PTPRT: variants seen among roughly 807,000 people sequenced by gnomAD.
PTPRT encodes receptor-type tyrosine-protein phosphatase T.
In PTPRT, 56 loss-of-function variants were observed where a neutral mutation model predicts 176.8. The observed-to-expected ratio is 0.32, with a 90% CI of 0.26 to 0.40. The LOEUF (loss-of-function observed/expected upper bound fraction) is 0.40. Ranked by LOEUF, PTPRT falls within the 10% of genes least tolerant of loss-of-function variation. The pLI is 1.00. For missense variants in PTPRT, 1,540 were observed against 1,908.2 expected (o/e 0.81, Z 3.60); for synonymous variants, 783 against 739.0 (o/e 1.06, Z -0.96).
chr20:42,321,584 C>T (rs1009100413), intron 11 of PTPRT, among the ~76,000 whole-genome samples: 5 of 152,110 alleles, frequency 3.3e-5, no homozygotes, highest in Admixed American at 6.5e-5. Flanking sequence ...TATTCTGAGT[C>T]GTTGTACACC....
intron 10 of PTPRT, 90 bp from the exon 11 acceptor site, chr20:42,350,820 C>A (rs983160542): frequency 1.0e-6 from 1 of 970,952 alleles, no homozygotes; most frequent in East Asian, 2.4e-5. Flanking sequence ...AAAGACACAG[C>A]ATGGATAGAG....
At chr20:42,692,614 C>G (rs2075809344) in intron 6 of PTPRT, among the ~76,000 whole-genome samples, 1 of 152,140 alleles carries the variant, frequency 6.6e-6, no homozygotes, top group East Asian at 1.9e-4. Context: ...ACACACTTTT[C>G]CCTGATTTCC....
chr20:42,887,073 T>C (rs2079115216), intron 1 of PTPRT, among the ~76,000 whole-genome samples: 1 of 152,302 alleles, frequency 6.6e-6, no homozygotes, highest in African/African-American at 2.4e-5. Context: ...ACAGGGTGCA[T>C]CACATCACCA....
chr20:42,718,703 AG>A (rs2076262952), intron 6 of PTPRT, among the ~76,000 whole-genome samples: 1 of 152,316 alleles, frequency 6.6e-6, no homozygotes, highest in African/African-American at 2.4e-5. Flanking sequence ...ACCTTTGCAA[AG>A]GAGAATCAAT....
chr20:43,060,181 A>C (rs921292341), intron 1 of PTPRT, among the ~76,000 whole-genome samples: 9 of 151,988 alleles, frequency 5.9e-5, no homozygotes, highest in Admixed American at 1.3e-4. Flanking sequence ...ATCTTAGTCC[A>C]TTTGAGCTGC....
At chr20:42,182,791 C>T (rs1990574454) in intron 16 of PTPRT, among the ~76,000 whole-genome samples, 1 of 152,076 alleles carries the variant, frequency 6.6e-6, no homozygotes. Context: ...ATACACTCGG[C>T]TTAAAAATGG....
chr20:42,543,983 T>G (rs1236716493), intron 7 of PTPRT, among the ~76,000 whole-genome samples: 1 of 152,194 alleles, frequency 6.6e-6, no homozygotes, highest in African/African-American at 2.4e-5. Flanking sequence ...CAGGCTTTGT[T>G]GTTCCATTTA....
intron 8 of PTPRT, 100 bp downstream of exon 8, chr20:42,472,166 T>C: frequency 7.3e-7 from 1 of 1,360,646 alleles, no homozygotes. Context: ...GTGAGGGAAT[T>C]AAAAATGTAG....
At chr20:43,032,862 T>C (rs961524608) in intron 1 of PTPRT, among the ~76,000 whole-genome samples, 1 of 152,144 alleles carries the variant, frequency 6.6e-6, no homozygotes, top group East Asian at 1.9e-4. Flanking sequence ...GATGTCCAGC[T>C]CCCTTTCCAG....
In PTPRT at chr20:42,073,361, T is replaced by C; in HGVS notation, c.*7518A>G. On this transcript the variant is annotated 3_prime_UTR_variant, in exon 31 of 31. Transcript: ENST00000373187. ...ATGGGCTAGCTCAGGATCCACCTGG[T>C]GATGAAATGTGTGCACTGGAAATGA... 1 of 190,780 alleles carries C rather than the reference T, an allele frequency of 5.2e-6. No homozygotes were observed. The highest frequency in any genetic ancestry group is 8.4e-5 in the East Asian group (1 of 11,948). 11.8% of individuals were successfully genotyped at this position (190,780 alleles called of 1,614,324 possible).
At chr20:42,861,649 A>G (rs1433547530) in intron 2 of PTPRT, among the ~76,000 whole-genome samples, 1 of 152,206 alleles carries the variant, frequency 6.6e-6, no homozygotes, top group Non-Finnish European at 1.5e-5. Flanking sequence ...AAAATGCCAA[A>G]TATTATGATA....
intron 2 of PTPRT, among the ~76,000 whole-genome samples, chr20:42,852,822 G>A (rs1254349515): frequency 1.3e-5 from 2 of 152,164 alleles, no homozygotes; most frequent in African/African-American, 4.8e-5. Flanking sequence ...TGAGAGGTAG[G>A]TGGGGCTGCA....
rs550219682 is a variant in PTPRT at position 42,477,922 on chromosome 20, C to G, written c.1154-5360G>C. Among the ~76,000 whole-genome samples, 279 of 152,304 alleles carry G rather than the reference C, an allele frequency of 1.8e-3. 1 individual carries two copies. Among genetic ancestry groups the G allele is most frequent in the African/African-American group, 6.5e-3 (269 of 41,580 alleles). On this transcript the variant is annotated intron_variant, in intron 7 of 30. Coordinates refer to ENST00000373187, the MANE Select transcript of PTPRT (RefSeq NM_007050.6). ...CACTTTGGCCCACTTCAGACTGTCC[C>G]TCTTCTCGGAGCAAGGGATCGGGGG...
At chr20:42,506,075 G>C (rs1474497237) in intron 7 of PTPRT, among the ~76,000 whole-genome samples, 1 of 152,026 alleles carries the variant, frequency 6.6e-6, no homozygotes, top group African/African-American at 2.4e-5. Flanking sequence ...CCCAAACCAG[G>C]CTCAATGGGA....
chr20:42,648,829 T>G (rs1183680318), intron 7 of PTPRT, among the ~76,000 whole-genome samples: 4 of 146,980 alleles, frequency 2.7e-5, no homozygotes, highest in South Asian at 4.3e-4. Context: ...TGTTTTTTTT[T>G]TTTTTTTTTG....
chr20:42,051,613 A>G, the PTPRT span, among the ~76,000 whole-genome samples: 13 of 152,324 alleles, frequency 8.5e-5, no homozygotes, highest in East Asian at 2.3e-3. Flanking sequence ...TCAGACCCCC[A>G]TGGGGACCAG....
intron 19 of PTPRT, among the ~76,000 whole-genome samples, chr20:42,123,543 T>G (rs1259180535): frequency 6.6e-6 from 1 of 152,220 alleles, no homozygotes; most frequent in African/African-American, 2.4e-5. Flanking sequence ...TGGTGGTTGA[T>G]TGGCTCCTTA....
chr20:42,570,200 G>C (rs566682020), intron 7 of PTPRT, among the ~76,000 whole-genome samples: 1 of 152,242 alleles, frequency 6.6e-6, no homozygotes, highest in African/African-American at 2.4e-5. Context: ...CTTGACAGTA[G>C]CACAAAGGTG....
chr20:42,158,639 T>C (rs1346348179), intron 17 of PTPRT, among the ~76,000 whole-genome samples: 1 of 152,206 alleles, frequency 6.6e-6, no homozygotes, highest in Non-Finnish European at 1.5e-5. Flanking sequence ...GGAGCCTTGA[T>C]GATCAAAGCA....
Sources: allele counts gnomAD v4.1 joint callset (sites outside exome capture counted in the v4.1 genomes callset), GRCh38; gene constraint gnomAD v4.1.1; transcripts MANE v1.5; gene names NCBI Gene and HGNC (gene_info 2026-07-23, HGNC 2026-07-21).